The following PELI2 variants were observed in gnomAD, a reference collection of about 807,000 sequenced individuals.
The protein encoded by PELI2 is pellino E3 ubiquitin protein ligase family member 2, also known as E3 ubiquitin-protein ligase pellino homolog 2.
Under a neutral mutation model 42.3 loss-of-function variants are expected in PELI2, and 23 were observed. The observed-to-expected ratio is 0.54, with a 90% CI of 0.39 to 0.77. The LOEUF (loss-of-function observed/expected upper bound fraction) is 0.77, where lower values mean the gene tolerates loss of function less well. PELI2 is among the 30% of genes least tolerant of loss of function. The pLI is 0.00. For synonymous variants in PELI2, 245 were observed against 212.2 expected, an observed-to-expected ratio of 1.15 and a Z score of -1.34; for missense variants, 463 against 553.2, an observed-to-expected ratio of 0.84 and a Z score of 1.64.
At chr14:56,133,587 C>A (rs1413177420) in intron 1 of PELI2, among the ~76,000 whole-genome samples, 2 of 152,232 alleles carry the variant, frequency 1.3e-5, no homozygotes, top group Non-Finnish European at 2.9e-5. Context: ...GCCTTTCCCC[C>A]ACCCCCGTTA....
At chr14:56,210,922 AAATAACTTTTG>A (rs1213070749) in intron 2 of PELI2, among the ~76,000 whole-genome samples, 7 of 152,104 alleles carry the variant, frequency 4.6e-5, no homozygotes, top group Non-Finnish European at 1.0e-4. Flanking sequence ...AAATAACTAA[AAATAACTTTTG>A]AATAACTTTT....
intron 1 of PELI2, among the ~76,000 whole-genome samples, chr14:56,119,508 C>T (rs899590911): frequency 3.9e-5 from 6 of 152,218 alleles, no homozygotes; most frequent in African/African-American, 1.4e-4. Context: ...GCCAGCCTCG[C>T]CCGCCTCGGC....
In PELI2 at chr14:56,197,997, CACACACACACACA is replaced by C. The variant is rs1566632185; in HGVS notation, c.207+19534_207+19546del. On this transcript the variant is annotated intron_variant, in intron 2 of 5. Coordinates refer to ENST00000267460, the MANE Select transcript of PELI2 (RefSeq NM_021255.3). The surrounding 1 kb of genome is among the most constrained non-coding windows in gnomAD (Gnocchi z 4.9). The stretch of plus-strand genomic sequence containing the variant: ...ACACACACACACACACACACACACA[CACACACACACACA>C]CACCCACCTCTTTGGTCCACTTCTC... 6.8e-6 allele frequency among the ~76,000 whole-genome samples: 1 copy of C among 147,976 alleles called. No homozygotes were observed. The highest frequency in any genetic ancestry group is 2.5e-5 in the African/African-American group (1 of 39,452).
At chr14:56,125,205 A>G (rs924085130) in intron 1 of PELI2, among the ~76,000 whole-genome samples, 1 of 152,160 alleles carries the variant, frequency 6.6e-6, no homozygotes, top group Non-Finnish European at 1.5e-5. Context: ...CCATTCATTC[A>G]GTGACTCAAG....
chr14:56,125,266 C>T (rs1566593641), intron 1 of PELI2, among the ~76,000 whole-genome samples: 1 of 152,136 alleles, frequency 6.6e-6, no homozygotes, highest in Non-Finnish European at 1.5e-5. Flanking sequence ...CACCAGCAAA[C>T]AAGACAGACA....
At chr14:56,206,531 AT>A in intron 2 of PELI2, among the ~76,000 whole-genome samples, 1 of 149,144 alleles carries the variant, frequency 6.7e-6, no homozygotes, top group Non-Finnish European at 1.5e-5. Context: ...AAAATGTGTT[AT>A]TTCTATTTCC....
chr14:56,238,295 G>A (rs1887864622), intron 2 of PELI2, among the ~76,000 whole-genome samples: 1 of 152,070 alleles, frequency 6.6e-6, no homozygotes, highest in South Asian at 2.1e-4. Flanking sequence ...TGTCTTTAGG[G>A]GAAGAGATTA....
At chr14:56,192,665 C>G (rs992380109) in intron 2 of PELI2, among the ~76,000 whole-genome samples, 1 of 152,194 alleles carries the variant, frequency 6.6e-6, no homozygotes, top group African/African-American at 2.4e-5. Context: ...TCTAACTCTT[C>G]TTTGGCCAAG....
chr14:56,195,618 A>T (rs1886103777), intron 2 of PELI2, among the ~76,000 whole-genome samples: 2 of 152,220 alleles, frequency 1.3e-5, no homozygotes, highest in Non-Finnish European at 2.9e-5. Context: ...AGTGGCACTA[A>T]TGAAACAGGT....
chr14:56,230,031 G>C (rs1288239012), intron 2 of PELI2, among the ~76,000 whole-genome samples: 1 of 152,192 alleles, frequency 6.6e-6, no homozygotes, highest in Non-Finnish European at 1.5e-5. Flanking sequence ...GAAATGAAGC[G>C]AGAAGAAAAG....
chr14:56,173,938 G>A (rs1885272226), intron 1 of PELI2, among the ~76,000 whole-genome samples: 1 of 152,184 alleles, frequency 6.6e-6, no homozygotes, highest in South Asian at 2.1e-4. Flanking sequence ...GTCTTGCTCT[G>A]TCGCCCAGGC....
intron 1 of PELI2, among the ~76,000 whole-genome samples, chr14:56,166,949 G>T (rs1018571374): frequency 3.3e-5 from 5 of 152,058 alleles, no homozygotes; most frequent in South Asian, 2.1e-4. Flanking sequence ...CACCACGCCT[G>T]ACTATTTTTT....
chr14:56,220,002 C>T (rs1009861540), intron 2 of PELI2, among the ~76,000 whole-genome samples: 1 of 152,186 alleles, frequency 6.6e-6, no homozygotes, highest in African/African-American at 2.4e-5. Flanking sequence ...GGAATCATAT[C>T]ATAAACAGTT....
chr14:56,268,195 C>T (rs762344221), intron 2 of PELI2, among the ~76,000 whole-genome samples: 1 of 152,120 alleles, frequency 6.6e-6, no homozygotes, highest in African/African-American at 2.4e-5. Context: ...ATAGGCAAAT[C>T]GAATTATTCA....
At position 56,290,255 on chromosome 14, in the gene PELI2, G is replaced by A; in HGVS notation, c.508-13G>A. 1.9e-6 allele frequency: 3 copies of A among 1,544,308 alleles called. No homozygotes were observed. The highest frequency in any genetic ancestry group is 2.3e-5 in the East Asian group (1 of 43,794). Reference sequence around the variant, plus strand: ...CTTAACCTACTTTTTCTGTTCTGCTGTGTTCTCTCCAGGAAAAGGCAGCAA... The same window carrying A: ...CTTAACCTACTTTTTCTGTTCTGCTATGTTCTCTCCAGGAAAAGGCAGCAA... On this transcript the variant is annotated splice_polypyrimidine_tract_variant and intron_variant, in intron 4 of 5. Transcript: ENST00000267460.
At chr14:56,187,043 A>G (rs1885792378) in intron 2 of PELI2, among the ~76,000 whole-genome samples, 1 of 152,234 alleles carries the variant, frequency 6.6e-6, no homozygotes, top group Non-Finnish European at 1.5e-5. Context: ...CTGACTGCTC[A>G]TTCAACAAAT....
chr14:56,131,882 C>G lies in PELI2; in HGVS notation c.77+13145C>G, dbSNP rs542814523. Among the ~76,000 whole-genome samples, 61 of 152,244 alleles carry G rather than the reference C, an allele frequency of 4.0e-4. 1 individual carries two copies. In the South Asian group the frequency reaches 0.012, roughly 31 times the overall value. On this transcript the variant is annotated intron_variant, in intron 1 of 5. Coordinates refer to ENST00000267460, the MANE Select transcript of PELI2 (RefSeq NM_021255.3). ...CCAGCCTGGGCGACACAGTGAAACC[C>G]TGTCTCAAAAAAATGAAATAAAACT... is the stretch of plus-strand genomic sequence containing the variant.
intron 1 of PELI2, among the ~76,000 whole-genome samples, chr14:56,165,940 A>G (rs1053005607): frequency 2.0e-5 from 3 of 152,146 alleles, no homozygotes; most frequent in Non-Finnish European, 4.4e-5. Context: ...CAACAGATCA[A>G]TGGGTCAGAT....
At chr14:56,207,221 A>C (rs988231736) in intron 2 of PELI2, among the ~76,000 whole-genome samples, 1 of 152,224 alleles carries the variant, frequency 6.6e-6, no homozygotes, top group African/African-American at 2.4e-5. Flanking sequence ...GAGAAAAAAA[A>C]TAACTGAATA....
Sources: allele counts gnomAD v4.1 joint callset (sites outside exome capture counted in the v4.1 genomes callset), GRCh38; gene constraint gnomAD v4.1.1; non-coding constraint Gnocchi (gnomAD v3.1); transcripts MANE v1.5; gene names NCBI Gene and HGNC (gene_info 2026-07-23, HGNC 2026-07-21).